The following LYPD6B variants were observed in gnomAD, a reference collection of about 807,000 sequenced individuals.
LYPD6B encodes ly6/PLAUR domain-containing protein 6B.
In LYPD6B, 17 loss-of-function variants were observed where a neutral mutation model predicts 22.8. The ratio of observed to expected loss-of-function variants is 0.75; its 90% CI spans 0.51 to 1.12. The LOEUF is 1.12. Ranked by LOEUF, LYPD6B falls within the 50% of genes most tolerant of loss-of-function variation. The probability of loss-of-function intolerance (pLI) is 0.00; values close to 1 mark genes in which losing one functional copy is unlikely to be tolerated. For missense variants in LYPD6B, 221 were observed against 258.3 expected (o/e 0.86, Z 0.99); for synonymous variants, 106 against 91.6 (o/e 1.16, Z -0.90).
intron 1 of LYPD6B, among the ~76,000 whole-genome samples, chr2:149,122,855 A>G (rs529317602): frequency 5.9e-5 from 9 of 152,318 alleles, no homozygotes; most frequent in Non-Finnish European, 1.2e-4. Context: ...AAAATTTAAG[A>G]TAGGCATATT....
At chr2:149,191,826 T>C (rs1692515394) in intron 3 of LYPD6B, among the ~76,000 whole-genome samples, 1 of 152,180 alleles carries the variant, frequency 6.6e-6, no homozygotes, top group Non-Finnish European at 1.5e-5. Flanking sequence ...TAGTTATATA[T>C]TAGTTATATC....
intron 6 of LYPD6B, among the ~76,000 whole-genome samples, chr2:149,214,123 C>A (rs1234248769): frequency 6.6e-6 from 1 of 152,122 alleles, no homozygotes; most frequent in Non-Finnish European, 1.5e-5. Context: ...TTAGCATAGA[C>A]AATAGAGAGT....
At chr2:149,167,802 A>G (rs1014450578) in intron 3 of LYPD6B, among the ~76,000 whole-genome samples, 2 of 152,180 alleles carry the variant, frequency 1.3e-5, no homozygotes, top group Non-Finnish European at 2.9e-5. Context: ...AGGAAAGACA[A>G]TACTTGAAAG....
chr2:149,190,831 A>G (rs1463153158), intron 3 of LYPD6B, among the ~76,000 whole-genome samples: 2 of 152,038 alleles, frequency 1.3e-5, no homozygotes, highest in Non-Finnish European at 2.9e-5. Context: ...AGTTGAAAAT[A>G]TTTTCTTCAA....
At chr2:149,083,372 T>C (rs1685224575) in intron 1 of LYPD6B, among the ~76,000 whole-genome samples, 1 of 152,226 alleles carries the variant, frequency 6.6e-6, no homozygotes, top group Non-Finnish European at 1.5e-5. Flanking sequence ...TATCTAATAA[T>C]ATCTAGCACA....
chr2:149,124,846 C>A (rs1462569114), intron 1 of LYPD6B, among the ~76,000 whole-genome samples: 1 of 152,154 alleles, frequency 6.6e-6, no homozygotes, highest in African/African-American at 2.4e-5. Flanking sequence ...CCACCTCCCG[C>A]TCCCTGTACC....
chr2:149,060,345 A>T (rs1040424504), intron 1 of LYPD6B, among the ~76,000 whole-genome samples: 1 of 152,200 alleles, frequency 6.6e-6, no homozygotes, highest in Non-Finnish European at 1.5e-5. Context: ...TCTGTCTTGT[A>T]GGGTTGTTAT....
intron 4 of LYPD6B, 40 bp downstream of exon 4, chr2:149,205,444 G>C (rs1693451827): frequency 1.2e-6 from 2 of 1,600,496 alleles, no homozygotes; most frequent in East Asian, 4.5e-5. Flanking sequence ...ATGGCTGTGG[G>C]GCCAGAGTGT....
intron 1 of LYPD6B, among the ~76,000 whole-genome samples, chr2:149,112,368 A>G (rs1041499608): frequency 1.3e-5 from 2 of 152,164 alleles, no homozygotes; most frequent in African/African-American, 2.4e-5. Context: ...TTCAGATGCA[A>G]TCCTCACAAG....
At chr2:149,105,412 A>G (rs971873874) in intron 1 of LYPD6B, among the ~76,000 whole-genome samples, 3 of 152,178 alleles carry the variant, frequency 2.0e-5, no homozygotes, top group African/African-American at 2.4e-5. Flanking sequence ...TGCAATTTTA[A>G]TATAATAATA....
chr2:149,162,986 A>T (rs1475286331), intron 3 of LYPD6B, among the ~76,000 whole-genome samples: 1 of 151,848 alleles, frequency 6.6e-6, no homozygotes, highest in African/African-American at 2.4e-5. Flanking sequence ...CTGGGTTGGA[A>T]TTGTGGGGTG....
chr2:149,166,710 C>T (rs757241445), intron 3 of LYPD6B, among the ~76,000 whole-genome samples: 8 of 152,098 alleles, frequency 5.3e-5, no homozygotes, highest in African/African-American at 9.7e-5. Flanking sequence ...GCATTGCTAC[C>T]GAGAGTGTTT....
chr2:149,171,705 A>G (rs1043875404), intron 3 of LYPD6B, among the ~76,000 whole-genome samples: 1 of 152,148 alleles, frequency 6.6e-6, no homozygotes, highest in African/African-American at 2.4e-5. Context: ...CATTTTTTCA[A>G]TGCTCTTCTC....
At chr2:149,068,251 A>G (rs762640496) in intron 1 of LYPD6B, among the ~76,000 whole-genome samples, 28 of 152,120 alleles carry the variant, frequency 1.8e-4, no homozygotes, top group Non-Finnish European at 2.6e-4. Context: ...ATTGCCCTCA[A>G]TAATGCAGAA....
At chr2:149,140,057 A>G (rs1688595516) in intron 2 of LYPD6B, among the ~76,000 whole-genome samples, 2 of 152,016 alleles carry the variant, frequency 1.3e-5, no homozygotes, top group South Asian at 4.2e-4. Flanking sequence ...ACTGAATTCC[A>G]GAAGTAATTT....
chr2:149,197,373 G>T (rs1311697653), intron 3 of LYPD6B, among the ~76,000 whole-genome samples: 5 of 152,150 alleles, frequency 3.3e-5, no homozygotes, highest in Admixed American at 3.3e-4. Flanking sequence ...TTAGCTGAGC[G>T]TGGTGGCACA....
At chr2:149,097,603 A>G (rs1164644295) in intron 1 of LYPD6B, among the ~76,000 whole-genome samples, 1 of 152,184 alleles carries the variant, frequency 6.6e-6, no homozygotes, top group Non-Finnish European at 1.5e-5. Flanking sequence ...TAAATGTGCC[A>G]TCCCTAGCCT....
chr2:149,153,501 G>A (rs2105840946), intron 2 of LYPD6B, among the ~76,000 whole-genome samples: 1 of 152,286 alleles, frequency 6.6e-6, no homozygotes, highest in East Asian at 1.9e-4. Context: ...TCTTGGCTGG[G>A]CGCGGTGGCT....
chr2:149,047,984 T>C (rs1683386300), intron 1 of LYPD6B, among the ~76,000 whole-genome samples: 1 of 152,240 alleles, frequency 6.6e-6, no homozygotes, highest in Non-Finnish European at 1.5e-5. Flanking sequence ...TTTGATTCTT[T>C]CCTGCAGTTT....
Sources: allele counts gnomAD v4.1 joint callset (sites outside exome capture counted in the v4.1 genomes callset), GRCh38; gene constraint gnomAD v4.1.1; transcripts MANE v1.5; gene names NCBI Gene and HGNC (gene_info 2026-07-23, HGNC 2026-07-21).